Variants in DYNC2H1 observed in about 807,000 individuals in gnomAD.
The protein encoded by DYNC2H1 is cytoplasmic dynein 2 heavy chain 1.
A neutral mutation model predicts 570.0 loss-of-function variants in DYNC2H1; 410 were observed. The observed-to-expected ratio is 0.72, with a 90% CI of 0.66 to 0.78. The LOEUF is 0.78. Ranked by LOEUF, DYNC2H1 falls within the 30% of genes least tolerant of loss-of-function variation. The probability of loss-of-function intolerance (pLI) is 0.00; values close to 1 mark genes in which losing one functional copy is unlikely to be tolerated. For missense variants in DYNC2H1, 4,865 were observed against 5,046.4 expected, an observed-to-expected ratio of 0.96 and a Z score of 1.09; for synonymous variants, 1,688 against 1,677.6, an observed-to-expected ratio of 1.01 and a Z score of -0.15.
chr11:103,377,851 T>C (rs2243971), intron 83 of DYNC2H1, among the ~76,000 whole-genome samples: 102,449 of 152,046 alleles, frequency 0.67, 34,616 homozygotes, highest in Admixed American at 0.73. Flanking sequence ...ATTCTCATGC[T>C]TCAGCCTCCC....
chr11:103,212,067 T>A (rs759707559), intron 54 of DYNC2H1, 124 bp downstream of exon 54: 661 of 1,166,448 alleles, frequency 5.7e-4, no homozygotes, highest in Non-Finnish European at 6.8e-4. Flanking sequence ...TTAAAAGCCT[T>A]GGAAAACAGT....
intron 75 of DYNC2H1, among the ~76,000 whole-genome samples, chr11:103,300,069 A>G (rs1207178816): frequency 6.6e-6 from 1 of 151,990 alleles, no homozygotes; most frequent in Non-Finnish European, 1.5e-5. Context: ...GCTCTTTGTT[A>G]TGGAGGATGA....
chr11:103,140,199 T>C (rs1252817482), intron 17 of DYNC2H1, among the ~76,000 whole-genome samples: 2 of 152,070 alleles, frequency 1.3e-5, no homozygotes, highest in African/African-American at 4.8e-5. Flanking sequence ...TAATTGTGTC[T>C]TTAATATTCA....
intron 17 of DYNC2H1, among the ~76,000 whole-genome samples, chr11:103,141,371 A>T (rs917118804): frequency 6.6e-6 from 1 of 151,874 alleles, no homozygotes; most frequent in Non-Finnish European, 1.5e-5. Flanking sequence ...TGATGTACAG[A>T]TGGGTTTTTG....
intron 48 of DYNC2H1, 82 bp downstream of exon 48, chr11:103,198,145 A>G: frequency 7.1e-7 from 1 of 1,418,278 alleles, no homozygotes; most frequent in South Asian, 1.4e-5. Flanking sequence ...TTTAGAGGGC[A>G]TGAATATGAT....
chr11:103,303,562 A>G (rs1867141382), intron 76 of DYNC2H1, among the ~76,000 whole-genome samples: 1 of 152,136 alleles, frequency 6.6e-6, no homozygotes, highest in African/African-American at 2.4e-5. Flanking sequence ...TGATGATAGA[A>G]GTAGAGGTCA....
At chr11:103,342,318 A>G (rs899001022) in intron 82 of DYNC2H1, among the ~76,000 whole-genome samples, 5 of 152,066 alleles carry the variant, frequency 3.3e-5, no homozygotes, top group African/African-American at 9.7e-5. Context: ...ACCCTATAAA[A>G]TGGACCAATC....
rs563559430 is a variant in DYNC2H1 at position 103,387,003 on chromosome 11, T to G, written c.12157-12660T>G. Reference sequence around the variant, plus strand: ...TATAGCAGCATGATTTATAATCCTTTGGGTATATACCCAGTAATGGGATGG... The same window carrying G: ...TATAGCAGCATGATTTATAATCCTTGGGGTATATACCCAGTAATGGGATGG... On this transcript the variant is annotated intron_variant, in intron 83 of 88. Transcript: ENST00000375735. Among the ~76,000 whole-genome samples, 17 of 152,124 alleles carry G rather than the reference T, an allele frequency of 1.1e-4. No homozygotes were observed. The East Asian group carries it at 3.1e-3, about 28-fold the overall frequency.
At chr11:103,392,889 T>A (rs1942226823) in intron 83 of DYNC2H1, among the ~76,000 whole-genome samples, 1 of 18,424 alleles carries the variant, frequency 5.4e-5, no homozygotes, top group Non-Finnish European at 1.3e-4. Context: ...TGAAACTATT[T>A]TTTTTTTTTT....
intron 82 of DYNC2H1, among the ~76,000 whole-genome samples, chr11:103,327,974 T>C (rs1938581359): frequency 6.6e-6 from 1 of 152,170 alleles, no homozygotes; most frequent in Admixed American, 6.5e-5. Context: ...ACGTAGTTTC[T>C]AAGGAAATAG....
In DYNC2H1 at chr11:103,157,237, C is replaced by T. The variant is rs959351226; in HGVS notation, c.4127+467C>T. 1.3e-5 allele frequency among the ~76,000 whole-genome samples: 2 copies of T among 152,164 alleles called. No individual in the cohort carries two copies. The highest frequency in any genetic ancestry group is 4.8e-5 in the African/African-American group (2 of 41,446). On this transcript the variant is annotated intron_variant, in intron 26 of 88. Coordinates refer to ENST00000375735, the MANE Select transcript of DYNC2H1 (RefSeq NM_001377.3). The surrounding 1 kb of genome is among the most constrained non-coding windows in gnomAD (Gnocchi z 4.2). ...CTTTAGATGTAGTCATTCTCCAGGC[C>T]TCAGCCTTCGATTTTTTTCTCACTG...
At chr11:103,320,753 T>C (rs1938142135) in intron 80 of DYNC2H1, among the ~76,000 whole-genome samples, 1 of 152,186 alleles carries the variant, frequency 6.6e-6, no homozygotes, top group South Asian at 2.1e-4. Flanking sequence ...TGCCTCAGCC[T>C]CCCTATCCCT....
chr11:103,138,150 A>G (rs1279680446), intron 17 of DYNC2H1, among the ~76,000 whole-genome samples: 1 of 152,082 alleles, frequency 6.6e-6, no homozygotes, highest in East Asian at 1.9e-4. Flanking sequence ...GGTTTTCTAG[A>G]TATCCAATCA....
intron 47 of DYNC2H1, among the ~76,000 whole-genome samples, chr11:103,195,130 T>A (rs1305682258): frequency 1.3e-5 from 2 of 152,222 alleles, no homozygotes; most frequent in Non-Finnish European, 2.9e-5. Context: ...TGTCTCTTCA[T>A]CCCCTTAGCA....
At chr11:103,175,069 G>A (rs1861747169) in intron 36 of DYNC2H1, among the ~76,000 whole-genome samples, 1 of 151,936 alleles carries the variant, frequency 6.6e-6, no homozygotes, top group Non-Finnish European at 1.5e-5. Flanking sequence ...TCATATATAT[G>A]TGCTATACTT....
intron 84 of DYNC2H1, among the ~76,000 whole-genome samples, chr11:103,434,735 A>G (rs1248650667): frequency 6.6e-6 from 1 of 152,130 alleles, no homozygotes; most frequent in Non-Finnish European, 1.5e-5. Flanking sequence ...TTGGTAGAGA[A>G]AGCTTGTCTC....
chr11:103,244,815 C>T lies in DYNC2H1; in HGVS notation c.9919-436C>T, dbSNP rs891560898. ...ATCTATATATAGTCATAGTTATAGA[C>T]ATATAAGTAACTATATAGTTACTTT... On this transcript the variant is annotated intron_variant, in intron 64 of 88. Coordinates refer to ENST00000375735, the MANE Select transcript of DYNC2H1 (RefSeq NM_001377.3). This position sits in a 1 kb window ranked among gnomAD's most constrained non-coding sequence, Gnocchi z 4.3. Among the ~76,000 whole-genome samples the T allele has an allele frequency of 6.7e-6, 1 of 149,488 alleles. No individual in the cohort carries two copies. Among genetic ancestry groups the T allele is most frequent in the Admixed American group, 6.7e-5 (1 of 14,854 alleles).
chr11:103,153,382 A>G lies in DYNC2H1; in HGVS notation c.3176A>G (p.Asp1059Gly). The G allele has an allele frequency of 6.4e-7, 1 of 1,552,304 alleles. No homozygotes were observed. Among genetic ancestry groups the G allele is most frequent in the Non-Finnish European group, 8.7e-7 (1 of 1,147,642 alleles). Reference sequence around the variant, plus strand: ...CTGGAAAAATTTAAAGCTCGTTGGGACCAACTAAAGCCTGGTGATGATGTT... The same window carrying G: ...CTGGAAAAATTTAAAGCTCGTTGGGGCCAACTAAAGCCTGGTGATGATGTT... ...QELEKFKARW[D>G]QLKPGDDVIE... is the part of the protein sequence containing the mutation. Residue 1059 changes from aspartate to glycine, a missense_variant, in exon 22 of 89, where the codon GAC (aspartate) becomes GGC (glycine). Coordinates refer to ENST00000375735, the MANE Select transcript of DYNC2H1 (RefSeq NM_001377.3).
chr11:103,149,535 A>G (rs1339816429), intron 20 of DYNC2H1, among the ~76,000 whole-genome samples: 1 of 152,234 alleles, frequency 6.6e-6, no homozygotes, highest in Non-Finnish European at 1.5e-5. Flanking sequence ...GGAAAGAATT[A>G]CAGACTTTTA....
Sources: gnomAD v4.1 joint callset for allele counts (sites outside exome capture counted in the v4.1 genomes callset) on GRCh38, gnomAD v4.1.1 for gene constraint, Gnocchi (gnomAD v3.1) non-coding constraint, MANE v1.5 for transcripts, NCBI Gene and HGNC (gene_info 2026-07-23, HGNC 2026-07-21) for gene names.